The following GPC1 variants were observed in gnomAD, a reference collection of about 807,000 sequenced individuals.
GPC1 encodes glypican 1, also known as glypican-1.
GPC1 carries 26 observed loss-of-function variants against 51.5 expected under a neutral mutation model. That is an observed-to-expected ratio of 0.50 (90% CI 0.37 to 0.70). The LOEUF is 0.70. GPC1 is among the 30% of genes least tolerant of loss of function. GPC1 has a pLI of 0.00. For missense variants in GPC1, 775 were observed against 800.5 expected (o/e 0.97, Z 0.38); for synonymous variants, 380 against 348.3 (o/e 1.09, Z -1.01).
intron 1 of GPC1, among the ~76,000 whole-genome samples, chr2:240,439,832 T>G (rs1004980375): frequency 3.3e-5 from 5 of 152,216 alleles, no homozygotes; most frequent in Admixed American, 2.0e-4. Context: ...GCCTTTGCTG[T>G]GTCGCTGCTC....
intron 1 of GPC1, among the ~76,000 whole-genome samples, chr2:240,445,425 G>A (rs913353215): frequency 2.6e-5 from 4 of 152,174 alleles, no homozygotes; most frequent in African/African-American, 9.7e-5. Context: ...AGATGGAGGT[G>A]CCCTTCCACA....
intron 1 of GPC1, chr2:240,450,775 G>A (rs1203260214): frequency 2.1e-6 from 1 of 470,342 alleles, no homozygotes; most frequent in African/African-American, 2.0e-5. Flanking sequence ...ATTTAGACGT[G>A]TGCCTTTATT....
chr2:240,462,645 C>T (rs1290005894), intron 3 of GPC1, 63 bp downstream of exon 3: 11 of 1,405,724 alleles, frequency 7.8e-6, no homozygotes, highest in African/African-American at 4.3e-5. Context: ...GCCCAAGGGA[C>T]TTCCTCTTCC....
At chr2:240,439,482 C>G (rs1163947961) in intron 1 of GPC1, among the ~76,000 whole-genome samples, 1 of 152,232 alleles carries the variant, frequency 6.6e-6, no homozygotes, top group Non-Finnish European at 1.5e-5. Context: ...AGCCCGCCTA[C>G]CAGCTGGAGC....
chr2:240,466,344 A>C lies in GPC1; in HGVS notation c.*54A>C. 1 of 989,934 alleles carries C rather than the reference A, an allele frequency of 1.0e-6. No homozygotes were observed. Among genetic ancestry groups the C allele is most frequent in the Non-Finnish European group, 1.6e-6 (1 of 627,704 alleles). The allele number at this position is 989,934 out of a possible 1,614,324, so 61.3% of individuals were successfully genotyped here. On this transcript the variant is annotated 3_prime_UTR_variant, in exon 9 of 9. Transcript: ENST00000264039. ...AAGGACTGACTTTGCCAAAAATACA[A>C]CACAGACGATATTTAATTCACCTCA...
chr2:240,440,705 C>T, intron 1 of GPC1, among the ~76,000 whole-genome samples: 1 of 30,360 alleles, frequency 3.3e-5, no homozygotes, highest in African/African-American at 1.5e-4. Context: ...TCCGGTCCTG[C>T]CCAGCTCCTC....
chr2:240,439,778 C>G (rs2074006363), intron 1 of GPC1, among the ~76,000 whole-genome samples: 1 of 152,256 alleles, frequency 6.6e-6, no homozygotes, highest in Non-Finnish European at 1.5e-5. Flanking sequence ...TCCCTGTGCC[C>G]TGTCCTGTCC....
At chr2:240,460,986 C>T (rs904829633) in intron 2 of GPC1, among the ~76,000 whole-genome samples, 1 of 152,174 alleles carries the variant, frequency 6.6e-6, no homozygotes, top group Non-Finnish European at 1.5e-5. Context: ...GCCCTGTGTC[C>T]GCCCCCCCAC....
intron 3 of GPC1, among the ~76,000 whole-genome samples, chr2:240,463,072 C>T (rs1473487527): frequency 1.3e-5 from 2 of 152,168 alleles, no homozygotes; most frequent in Non-Finnish European, 2.9e-5. Flanking sequence ...ACTGCCCCCA[C>T]CTCCAGGCTC....
intron 3 of GPC1, among the ~76,000 whole-genome samples, chr2:240,462,807 G>T (rs2074228153): frequency 6.6e-6 from 1 of 152,192 alleles, no homozygotes; most frequent in South Asian, 2.1e-4. Context: ...CTCTGGGCTG[G>T]CCCATCCCTG....
chr2:240,443,932 A>G (rs1489556319), intron 1 of GPC1, among the ~76,000 whole-genome samples: 1 of 152,236 alleles, frequency 6.6e-6, no homozygotes, highest in Non-Finnish European at 1.5e-5. Flanking sequence ...CAAGCCCCAC[A>G]CTTGCTTGCC....
chr2:240,440,882 TC>T (rs1319885164), intron 1 of GPC1, among the ~76,000 whole-genome samples: 1 of 152,230 alleles, frequency 6.6e-6, no homozygotes, highest in African/African-American at 2.4e-5. Context: ...CCGGCCTGGC[TC>T]CACTGCCTGT....
At position 240,465,463 on chromosome 2, in the gene GPC1, T is replaced by A. The variant is rs1192401105; in HGVS notation, c.1269-10T>A. 1 of 1,612,094 alleles carries A rather than the reference T, an allele frequency of 6.2e-7. No individual in the cohort carries two copies. Among genetic ancestry groups the A allele is most frequent in the Non-Finnish European group, 8.5e-7 (1 of 1,179,448 alleles). ...AGCAGTGACCTGGGCTCTGCCTGCC[T>A]TTCCCCCAGGTACCTCCCCGAGGTC... On this transcript the variant is annotated splice_polypyrimidine_tract_variant and intron_variant, in intron 7 of 8. Coordinates refer to ENST00000264039, the MANE Select transcript of GPC1 (RefSeq NM_002081.3).
intron 1 of GPC1, among the ~76,000 whole-genome samples, chr2:240,446,472 G>C (rs35667044): frequency 0.14 from 21,950 of 152,244 alleles, 1,875 homozygotes; most frequent in African/African-American, 0.23. Flanking sequence ...ACAAGTAAAG[G>C]GGTGTGACAT....
chr2:240,443,334 G>A (rs1288259444), intron 1 of GPC1, among the ~76,000 whole-genome samples: 2 of 152,254 alleles, frequency 1.3e-5, no homozygotes, highest in African/African-American at 2.4e-5. Context: ...ACTGCAGGGC[G>A]AGGGTTTGGA....
intron 2 of GPC1, 22 bp from the exon 3 acceptor site, chr2:240,462,169 C>T (rs1249419409): frequency 1.3e-6 from 2 of 1,544,146 alleles, no homozygotes; most frequent in Non-Finnish European, 1.8e-6. Flanking sequence ...TGGTCCCGAT[C>T]ACGCCCCCTC....
At chr2:240,439,995 C>G (rs1455817623) in intron 1 of GPC1, among the ~76,000 whole-genome samples, 1 of 152,230 alleles carries the variant, frequency 6.6e-6, no homozygotes, top group Admixed American at 6.5e-5. Flanking sequence ...CAGCACTCCT[C>G]AGGCACAGAT....
intron 1 of GPC1, among the ~76,000 whole-genome samples, chr2:240,436,840 C>G (rs1273300464): frequency 6.6e-6 from 1 of 152,250 alleles, no homozygotes; most frequent in Non-Finnish European, 1.5e-5. Context: ...GCCCAGGGGC[C>G]GTGTCATTTC....
At position 240,464,622 on chromosome 2, in the gene GPC1, T is replaced by C; in HGVS notation, c.890T>C (p.Met297Thr). ...GTGTTAACGCCTGTCCTAGACTCCA[T>C]GGTGCTCATCACCGACAAGTTCTGG... ...DAEWRNLLDSMVLITDKFWGT... is the reference protein window; with the variant it reads ...DAEWRNLLDSTVLITDKFWGT... The change falls in exon 5 of 9, where the codon ATG becomes ACG. Residue 297 changes from methionine (M) to threonine (T), a missense_variant. Physicochemically the swap from Met to Thr is moderately conservative, Grantham distance 81 (BLOSUM62 -1). Transcript: ENST00000264039. 10 of 1,610,418 alleles carry C rather than the reference T, an allele frequency of 6.2e-6. No homozygotes were observed. The highest frequency in any genetic ancestry group is 8.5e-6 in the Non-Finnish European group (10 of 1,178,460).
Sources: gnomAD v4.1 joint callset for allele counts (sites outside exome capture counted in the v4.1 genomes callset) on GRCh38, gnomAD v4.1.1 for gene constraint, MANE v1.5 for transcripts, NCBI Gene and HGNC (gene_info 2026-07-23, HGNC 2026-07-21) for gene names.